The following ZFYVE16 variants were observed in gnomAD, a reference collection of about 807,000 sequenced individuals.
ZFYVE16 encodes the protein zinc finger FYVE-type containing 16.
Under a neutral mutation model 138.1 loss-of-function variants are expected in ZFYVE16, and 89 were observed. The ratio of observed to expected loss-of-function variants is 0.64; its 90% CI spans 0.54 to 0.77. The LOEUF is 0.77. ZFYVE16 is among the 30% of genes least tolerant of loss of function. The pLI is 0.00. For missense variants in ZFYVE16, 1,793 were observed against 1,786.7 expected (o/e 1.00, Z -0.06); for synonymous variants, 596 against 618.3 (o/e 0.96, Z 0.53).
chr5:80,448,852 T>C (rs1317003273), intron 8 of ZFYVE16, among the ~76,000 whole-genome samples: 1 of 152,132 alleles, frequency 6.6e-6, no homozygotes, highest in Admixed American at 6.5e-5. Context: ...CCTTTGTAAA[T>C]AGAACCTAGA....
Position 80,441,544 on chromosome 5 carries a change from A to G in ZFYVE16, c.2419+1512A>G, listed in dbSNP as rs961879323. 1.6e-5 allele frequency: 16 copies of G among 985,270 alleles called. No individual in the cohort carries two copies. In the Admixed American group the frequency reaches 3.7e-4, roughly 23 times the overall value. The allele number at this position is 985,270 out of a possible 1,614,324, so 61.0% of individuals were successfully genotyped here. A position where few individuals can be genotyped will look rare whatever the true frequency, so the allele number is the denominator to read the frequency against. On this transcript the variant is annotated intron_variant, in intron 5 of 18. Transcript: ENST00000505560. ...ATAATAGAAGTGATCATTTAAAATAATGGTATCAAATAAGAAGAGAAAGAC... is the reference window on the plus strand; with the variant it reads ...ATAATAGAAGTGATCATTTAAAATAGTGGTATCAAATAAGAAGAGAAAGAC...
intron 11 of ZFYVE16, among the ~76,000 whole-genome samples, chr5:80,453,031 C>T (rs1000389234): frequency 6.6e-6 from 1 of 152,034 alleles, no homozygotes; most frequent in Non-Finnish European, 1.5e-5. Flanking sequence ...ACTTTTTAGA[C>T]ATTTGATTCT....
intron 2 of ZFYVE16, 30 bp from the exon 3 acceptor site, chr5:80,434,079 T>G: frequency 7.1e-7 from 1 of 1,415,400 alleles, no homozygotes; most frequent in Non-Finnish European, 9.8e-7. Flanking sequence ...TGTAATTAAA[T>G]GAAATATTAT....
intron 15 of ZFYVE16, among the ~76,000 whole-genome samples, chr5:80,461,977 CAAAACAAA>C (rs1485422284): frequency 6.6e-6 from 1 of 150,430 alleles, no homozygotes; most frequent in Non-Finnish European, 1.5e-5. Context: ...AAAAACAAAA[CAAAACAAA>C]AAAAAAACAC....
chr5:80,451,200 C>T lies in ZFYVE16; in HGVS notation c.3383-285C>T, dbSNP rs574414484. Among the ~76,000 whole-genome samples the T allele has an allele frequency of 2.6e-5, 4 of 152,066 alleles. No homozygotes were observed. The East Asian group carries it at 5.8e-4, about 22-fold the overall frequency. ...TTGATAATTTTTCACTTGACCATGCCGTAAGGAGAAAAATTGGAAGGTTGG... is the reference window on the plus strand; with the variant it reads ...TTGATAATTTTTCACTTGACCATGCTGTAAGGAGAAAAATTGGAAGGTTGG... On this transcript the variant is annotated intron_variant, in intron 10 of 18. Coordinates refer to ENST00000505560, the MANE Select transcript of ZFYVE16 (RefSeq NM_001284236.3).
chr5:80,440,326 A>T (rs573397075), intron 5 of ZFYVE16: 20 of 1,045,490 alleles, frequency 1.9e-5, no homozygotes, highest in African/African-American at 5.1e-5. Flanking sequence ...TTTTGTCATC[A>T]TCATTGTCAT....
Position 80,450,528 on chromosome 5 carries a change from T to TA in ZFYVE16, c.3325dup (p.Thr1109AsnfsTer4). On this transcript the variant is annotated frameshift_variant, in exon 10 of 19. Coordinates refer to ENST00000505560, the MANE Select transcript of ZFYVE16 (RefSeq NM_001284236.3). LOFTEE classifies it high-confidence loss of function. ...TATTGTTATGTTTGCCAAATGAAGA[T>TA]ACTATTCCTAAGGACATCTTCAGAC... 6.2e-7 allele frequency: 1 copy of TA among 1,613,626 alleles called. No individual in the cohort carries two copies. Among genetic ancestry groups the TA allele is most frequent in the South Asian group, 1.1e-5 (1 of 91,068 alleles).
At position 80,430,733 on chromosome 5, in the gene ZFYVE16, G is replaced by A. The variant is rs187698868; in HGVS notation, c.-40+3188G>A. Reference sequence around the variant, plus strand: ...CAAAAGAGAGAAGAATCAAATAGACGCAATAAAAAATGATAAAGGGGATAA... The same window carrying A: ...CAAAAGAGAGAAGAATCAAATAGACACAATAAAAAATGATAAAGGGGATAA... On this transcript the variant is annotated intron_variant, in intron 2 of 18. Coordinates refer to ENST00000505560, the MANE Select transcript of ZFYVE16 (RefSeq NM_001284236.3). Among the ~76,000 whole-genome samples the A allele has an allele frequency of 3.0e-4, 45 of 152,082 alleles. 1 individual carries two copies. The highest frequency in any genetic ancestry group is 1.5e-3 in the Admixed American group (23 of 15,266).
intron 15 of ZFYVE16, among the ~76,000 whole-genome samples, chr5:80,469,110 T>G (rs1754034503): frequency 6.7e-6 from 1 of 149,974 alleles, no homozygotes; most frequent in Non-Finnish European, 1.5e-5. Context: ...TTTTTTTTTT[T>G]GAGACTCATT....
chr5:80,445,628 A>G (rs1751244051), intron 7 of ZFYVE16, among the ~76,000 whole-genome samples: 1 of 147,206 alleles, frequency 6.8e-6, no homozygotes, highest in Non-Finnish European at 1.5e-5. Context: ...TGGCATAATT[A>G]CCAGTCACTG....
At chr5:80,426,662 G>C (rs1580147392) in intron 1 of ZFYVE16, among the ~76,000 whole-genome samples, 1 of 152,192 alleles carries the variant, frequency 6.6e-6, no homozygotes, top group South Asian at 2.1e-4. Context: ...GTATTCTATG[G>C]TGTTATATAT....
At chr5:80,454,045 C>A (rs1752256586) in intron 11 of ZFYVE16, 3 of 152,128 alleles carry the variant, frequency 2.0e-5, no homozygotes, top group Non-Finnish European at 4.4e-5. Flanking sequence ...TTAATCATTT[C>A]CTTTATCGTT....
At chr5:80,457,883 G>A (rs1033729264) in intron 14 of ZFYVE16, among the ~76,000 whole-genome samples, 7 of 151,350 alleles carry the variant, frequency 4.6e-5, no homozygotes, top group South Asian at 2.2e-4. Context: ...AAAATTAGCC[G>A]GGTGTGGTGG....
rs1241232593 is a variant in ZFYVE16 at position 80,459,417 on chromosome 5, C to A, written c.3947C>A (p.Thr1316Lys). 6.2e-7 allele frequency: 1 copy of A among 1,611,708 alleles called. No individual in the cohort carries two copies. Among genetic ancestry groups the A allele is most frequent in the Non-Finnish European group, 8.5e-7 (1 of 1,179,002 alleles). Residue 1316 changes from threonine (T) to lysine (K), a missense_variant, in exon 15 of 19, where the codon ACA becomes AAA. Coordinates refer to ENST00000505560, the MANE Select transcript of ZFYVE16 (RefSeq NM_001284236.3). ...NSATGHPRKV[T>K]GASFVVFNGA... ...AATTGTTGTATTTCTTGATCAGTGA[C>A]AGGTGCAAGTTTTGTGGTATTCAAT...
chr5:80,459,855 T>A (rs574667324), intron 15 of ZFYVE16, among the ~76,000 whole-genome samples: 20 of 152,334 alleles, frequency 1.3e-4, no homozygotes, highest in South Asian at 2.1e-4. Context: ...GTTTCTAAAC[T>A]TTATGCATGT....
intron 15 of ZFYVE16, among the ~76,000 whole-genome samples, chr5:80,466,154 G>C (rs891868835): frequency 2.0e-5 from 3 of 151,998 alleles, no homozygotes; most frequent in African/African-American, 7.2e-5. Context: ...TCGAACTCCT[G>C]AACTCATGGG....
chr5:80,448,320 T>C lies in ZFYVE16; in HGVS notation c.3019T>C (p.Tyr1007His). 6.2e-7 allele frequency: 1 copy of C among 1,611,538 alleles called. No homozygotes were observed. Among genetic ancestry groups the C allele is most frequent in the Non-Finnish European group, 8.5e-7 (1 of 1,179,626 alleles). Residue 1007 changes from tyrosine to histidine, a missense_variant, in exon 8 of 19, where the codon TAT becomes CAT. By Grantham distance (83) the Tyr-to-His change is moderately conservative. This residue lies in a region of ZFYVE16 where 1,295 missense variants were observed against 1,204.3 expected (regional missense o/e 1.08). Coordinates refer to ENST00000505560, the MANE Select transcript of ZFYVE16 (RefSeq NM_001284236.3). Reference protein sequence around the residue: ...DYRLLCDINKYVCNKISLLPN... With the variant: ...DYRLLCDINKHVCNKISLLPN... ...TAGGTTACTGTGTGATATTAACAAG[T>C]ATGTCTGCAATAAGATTAGTCTTCT...
chr5:80,426,359 G>A (rs1341348199), intron 1 of ZFYVE16, among the ~76,000 whole-genome samples: 1 of 151,692 alleles, frequency 6.6e-6, no homozygotes, highest in African/African-American at 2.4e-5. Context: ...GTAAACGTGT[G>A]CCACGGTGGT....
In ZFYVE16 at chr5:80,478,009, T is replaced by C. The variant is rs1469932535; in HGVS notation, c.*632T>C. Reference sequence around the variant, plus strand: ...TATTATATATCCACATATATAGTTTTCCCTGATTAAATGGATATTAAAATA... The same window carrying C: ...TATTATATATCCACATATATAGTTTCCCCTGATTAAATGGATATTAAAATA... On this transcript the variant is annotated 3_prime_UTR_variant, in exon 19 of 19. Transcript: ENST00000505560. 1 of 152,130 alleles carries C rather than the reference T, an allele frequency of 6.6e-6. No homozygotes were observed. Among genetic ancestry groups the C allele is most frequent in the East Asian group, 1.9e-4 (1 of 5,202 alleles). 9.4% of individuals were successfully genotyped at this position (152,130 alleles called of 1,614,324 possible). A position where few individuals can be genotyped will look rare whatever the true frequency, so the allele number is the denominator to read the frequency against.
Sources: allele counts gnomAD v4.1 joint callset (sites outside exome capture counted in the v4.1 genomes callset), GRCh38; gene constraint gnomAD v4.1.1; regional missense constraint gnomAD v4.1.1; transcripts MANE v1.5; gene names NCBI Gene and HGNC (gene_info 2026-07-23, HGNC 2026-07-21).